Variants in INO80 observed in about 807,000 individuals in gnomAD.
INO80 encodes the protein chromatin-remodeling ATPase INO80.
INO80 carries 20 observed loss-of-function variants against 203.4 expected under a neutral mutation model. The observed-to-expected ratio is 0.10, with a 90% CI of 0.07 to 0.14. The LOEUF is 0.14. INO80 is among the 10% of genes least tolerant of loss of function. INO80 has a pLI of 1.00. For synonymous variants in INO80, 726 were observed against 685.2 expected, an observed-to-expected ratio of 1.06 and a Z score of -0.93; for missense variants, 1,419 against 1,914.4, an observed-to-expected ratio of 0.74 and a Z score of 4.83.
rs185853052 is a variant in INO80, at chr15:41,115,182, A to G, written c.-44+791T>C. On this transcript the variant is annotated intron_variant, in intron 1 of 35. Transcript: ENST00000648947. ...CAAATTCCTTCCCCCATTTCTAACA[A>G]GTACATCAAACTAGAGACAGTGTGT... Among the ~76,000 whole-genome samples, 7 of 152,300 alleles carry G rather than the reference A, an allele frequency of 4.6e-5. No homozygotes were observed. The East Asian group carries it at 1.2e-3, about 25-fold the overall frequency.
At chr15:41,028,161 A>G (rs894538673) in intron 24 of INO80, among the ~76,000 whole-genome samples, 2 of 151,820 alleles carry the variant, frequency 1.3e-5, no homozygotes, top group African/African-American at 4.8e-5. Context: ...TTTGAGACAC[A>G]GTCTTGCTCT....
At chr15:41,021,207 C>G (rs1229212216) in intron 25 of INO80, 82 bp from the exon 26 acceptor site, 2 of 900,524 alleles carry the variant, frequency 2.2e-6, no homozygotes, top group Non-Finnish European at 1.8e-6. Context: ...ACTTTGAAAT[C>G]AGACTAATGT....
intron 5 of INO80, among the ~76,000 whole-genome samples, chr15:41,089,164 TG>T (rs1328299793): frequency 6.6e-6 from 1 of 152,112 alleles, no homozygotes; most frequent in African/African-American, 2.4e-5. Flanking sequence ...CATTTCAGTC[TG>T]GGTAACAGAG....
At chr15:41,045,370 T>C (rs764908786) in intron 23 of INO80, among the ~76,000 whole-genome samples, 3 of 150,844 alleles carry the variant, frequency 2.0e-5, no homozygotes, top group Non-Finnish European at 4.4e-5. Context: ...AGGTGGAACA[T>C]CTGAGGTCAG....
intron 27 of INO80, among the ~76,000 whole-genome samples, chr15:41,015,187 C>T (rs2044185061): frequency 6.6e-6 from 1 of 152,126 alleles, no homozygotes; most frequent in Non-Finnish European, 1.5e-5. Flanking sequence ...ACAAAAGCTG[C>T]CTTGCACAGT....
At chr15:41,038,423 T>C (rs2044615928) in intron 24 of INO80, among the ~76,000 whole-genome samples, 1 of 152,158 alleles carries the variant, frequency 6.6e-6, no homozygotes, top group Non-Finnish European at 1.5e-5. Flanking sequence ...CACACTTCAA[T>C]ACTCATTCTC....
At chr15:41,062,251 ATAT>A (rs886284968) in intron 14 of INO80, among the ~76,000 whole-genome samples, 3 of 152,252 alleles carry the variant, frequency 2.0e-5, no homozygotes, top group East Asian at 1.9e-4. Flanking sequence ...CTCTTAATTT[ATAT>A]TATTATTATT....
intron 24 of INO80, among the ~76,000 whole-genome samples, chr15:41,035,089 G>T (rs1469555209): frequency 6.6e-6 from 1 of 152,144 alleles, no homozygotes; most frequent in Non-Finnish European, 1.5e-5. Flanking sequence ...AAGAAACACG[G>T]GTAACAGAGC....
At chr15:41,113,282 T>G (rs1437443573) in intron 1 of INO80, among the ~76,000 whole-genome samples, 1 of 151,872 alleles carries the variant, frequency 6.6e-6, no homozygotes, top group African/African-American at 2.4e-5. Flanking sequence ...TTTGTTTTTT[T>G]GAGACAGAGT....
At chr15:41,026,715 A>G (rs2044380592) in intron 25 of INO80, among the ~76,000 whole-genome samples, 1 of 152,224 alleles carries the variant, frequency 6.6e-6, no homozygotes, top group South Asian at 2.1e-4. Context: ...GAGCAAAAAG[A>G]AATGAACTGG....
intron 27 of INO80, among the ~76,000 whole-genome samples, chr15:41,006,289 C>A (rs1273516835): frequency 1.3e-5 from 2 of 152,150 alleles, no homozygotes; most frequent in Non-Finnish European, 2.9e-5. Context: ...CCAAAAGATA[C>A]AATAGAGAGA....
chr15:41,071,861 A>C lies in INO80; in HGVS notation c.1593T>G (p.Asn531Lys). The C allele has an allele frequency of 6.2e-7, 1 of 1,613,602 alleles. No individual in the cohort carries two copies. Among genetic ancestry groups the C allele is most frequent in the Non-Finnish European group, 8.5e-7 (1 of 1,179,562 alleles). ...TTCTAAAATTCACCTGTTCATATAGATTGGCCAACCAATTCATGCCTTTCA... is the reference window on the plus strand; with the variant it reads ...TTCTAAAATTCACCTGTTCATATAGCTTGGCCAACCAATTCATGCCTTTCA... Reference protein sequence around the residue: ...YQLKGMNWLANLYEQGINGIL... With the variant: ...YQLKGMNWLAKLYEQGINGIL... Residue 531 changes from asparagine to lysine, a missense_variant, in exon 12 of 36, where the codon AAT becomes AAG. Physicochemically the swap from Asn to Lys is moderately conservative, Grantham distance 94. Coordinates refer to ENST00000648947, the MANE Select transcript of INO80 (RefSeq NM_017553.3).
At chr15:41,049,813 G>T in intron 20 of INO80, 122 bp downstream of exon 20, 1 of 856,106 alleles carries the variant, frequency 1.2e-6, no homozygotes, top group South Asian at 1.9e-5. Context: ...CTGAACCTGG[G>T]AGCCAGAGGT....
intron 27 of INO80, among the ~76,000 whole-genome samples, chr15:41,009,738 C>A (rs1198868861): frequency 6.6e-6 from 1 of 151,970 alleles, no homozygotes; most frequent in African/African-American, 2.4e-5. Context: ...TAGGCATGCA[C>A]TACTATGCCC....
chr15:41,096,376 G>A (rs1475693620), intron 1 of INO80, 23 bp from the exon 2 acceptor site: 2 of 1,447,050 alleles, frequency 1.4e-6, no homozygotes, highest in Admixed American at 2.7e-5. Flanking sequence ...GATAAGAAGT[G>A]AAAGATGAAA....
chr15:41,084,051 G>A (rs141528747), intron 7 of INO80, among the ~76,000 whole-genome samples: 12 of 151,814 alleles, frequency 7.9e-5, no homozygotes, highest in Admixed American at 1.3e-4. Flanking sequence ...AAAATATCCC[G>A]TTTCTAAAAA....
intron 23 of INO80, among the ~76,000 whole-genome samples, 159 bp from the exon 24 acceptor site, chr15:41,045,234 T>C (rs2044735169): frequency 6.6e-6 from 1 of 152,210 alleles, no homozygotes; most frequent in Non-Finnish European, 1.5e-5. Flanking sequence ...AGATACATTA[T>C]TTCGCATTAC....
rs2045371986 is a variant in INO80, at chr15:41,074,469, T to C, written c.1228A>G (p.Ile410Val). ...AGTTTCCTTAGGATTTCTTCCTGGA[T>C]ACCATCATGACCCATATCTCGTTTG... ...SRKRDMGHDG[I>V]QEEILRKLED... Residue 410 changes from isoleucine to valine, a missense_variant, in exon 10 of 36, where the codon ATC (isoleucine) becomes GTC (valine). Ile to Val is a conservative substitution (Grantham distance 29). Coordinates refer to ENST00000648947, the MANE Select transcript of INO80 (RefSeq NM_017553.3). The C allele has an allele frequency of 2.5e-6, 4 of 1,613,874 alleles. No homozygotes were observed. The highest frequency in any genetic ancestry group is 3.4e-6 in the Non-Finnish European group (4 of 1,179,876).
chr15:41,047,880 T>C (rs1019296727), intron 22 of INO80, among the ~76,000 whole-genome samples: 1 of 152,338 alleles, frequency 6.6e-6, no homozygotes, highest in African/African-American at 2.4e-5. Flanking sequence ...GTAGCTTCTT[T>C]TCCTTAGGCT....
Sources: gnomAD v4.1 joint callset for allele counts (sites outside exome capture counted in the v4.1 genomes callset) on GRCh38, gnomAD v4.1.1 for gene constraint, MANE v1.5 for transcripts, NCBI Gene and HGNC (gene_info 2026-07-23, HGNC 2026-07-21) for gene names.